Variants in SNX29 observed in about 807,000 individuals in gnomAD.
SNX29 encodes sorting nexin-29.
A neutral mutation model predicts 102.1 loss-of-function variants in SNX29; 78 were observed. That is an observed-to-expected ratio of 0.76 (90% CI 0.64 to 0.92). The LOEUF (loss-of-function observed/expected upper bound fraction) is 0.92. Among genes scored for constraint, SNX29 ranks in the 40% least tolerant of loss-of-function variants. The pLI is 0.00. For missense variants in SNX29, 1,280 were observed against 1,061.7 expected (o/e 1.21, Z -2.86); for synonymous variants, 580 against 414.5 (o/e 1.40, Z -4.85).
At chr16:12,452,836 T>C (rs900404248) in intron 18 of SNX29, among the ~76,000 whole-genome samples, 1 of 152,180 alleles carries the variant, frequency 6.6e-6, no homozygotes, top group Non-Finnish European at 1.5e-5. Flanking sequence ...CACAGGTCTA[T>C]CTATCCTGTT....
At chr16:12,445,843 C>T (rs757832025) in intron 18 of SNX29, among the ~76,000 whole-genome samples, 5 of 152,152 alleles carry the variant, frequency 3.3e-5, no homozygotes, top group Non-Finnish European at 7.4e-5. Flanking sequence ...GAAGAAACTC[C>T]TGCTGCTGCC....
chr16:12,224,728 T>G (rs949054696), intron 14 of SNX29, among the ~76,000 whole-genome samples: 6 of 152,180 alleles, frequency 3.9e-5, no homozygotes. Context: ...GTTTTTTTGT[T>G]TGGATAGTAA....
chr16:12,207,028 T>G (rs1223616946), intron 14 of SNX29, among the ~76,000 whole-genome samples: 2 of 152,080 alleles, frequency 1.3e-5, no homozygotes, highest in African/African-American at 4.8e-5. Flanking sequence ...TGAATCCAGA[T>G]TTAGCCTCAG....
chr16:12,088,860 C>T (rs186227160), intron 11 of SNX29, among the ~76,000 whole-genome samples: 2,264 of 151,924 alleles, frequency 0.015, 20 homozygotes, highest in South Asian at 0.058. Flanking sequence ...CTGAGGCGGG[C>T]GGATTACTCT....
At chr16:12,543,617 T>G in intron 20 of SNX29, among the ~76,000 whole-genome samples, 1 of 151,986 alleles carries the variant, frequency 6.6e-6, no homozygotes, top group East Asian at 1.9e-4. Flanking sequence ...GAGTGGGCAG[T>G]GCCCCAGTGC....
Position 12,243,766 on chromosome 16 carries a change from T to C in SNX29, c.1679-34167T>C, listed in dbSNP as rs1034814658. Among the ~76,000 whole-genome samples, 4 of 152,188 alleles carry C rather than the reference T, an allele frequency of 2.6e-5. No homozygotes were observed. The East Asian group carries it at 7.7e-4, about 29-fold the overall frequency. On this transcript the variant is annotated intron_variant, in intron 14 of 20. Transcript: ENST00000566228. ...GGGCCTGGTGGGCTCATTCACCCTC[T>C]CAGAGCACCAGGTGGCTTCTCTGCT...
chr16:11,985,315 G>T (rs368700814), intron 1 of SNX29, among the ~76,000 whole-genome samples: 2 of 152,284 alleles, frequency 1.3e-5, no homozygotes, highest in East Asian at 3.9e-4. Flanking sequence ...GTCTGTTGAA[G>T]CAAAAGGATG....
chr16:12,382,106 C>G (rs1463712519), intron 16 of SNX29, among the ~76,000 whole-genome samples: 2 of 152,058 alleles, frequency 1.3e-5, no homozygotes, highest in African/African-American at 2.4e-5. Context: ...GGTTCCACAT[C>G]AAGGGAGGCA....
At chr16:12,329,416 G>A (rs912580339) in intron 15 of SNX29, among the ~76,000 whole-genome samples, 1 of 152,232 alleles carries the variant, frequency 6.6e-6, no homozygotes, top group East Asian at 1.9e-4. Context: ...CTCTCCACAG[G>A]CAGGTGCTGG....
intron 18 of SNX29, among the ~76,000 whole-genome samples, chr16:12,472,930 C>T (rs1355790441): frequency 6.6e-6 from 1 of 152,076 alleles, no homozygotes; most frequent in African/African-American, 2.4e-5. Flanking sequence ...TCTTCTTTTG[C>T]TGAGTCAAGG....
intron 14 of SNX29, among the ~76,000 whole-genome samples, chr16:12,259,785 T>C (rs2078679106): frequency 6.6e-6 from 1 of 152,184 alleles, no homozygotes; most frequent in South Asian, 2.1e-4. Context: ...ATCTGCATTG[T>C]AACAAGTTTC....
At chr16:12,464,666 G>A (rs575216665) in intron 18 of SNX29, among the ~76,000 whole-genome samples, 1 of 152,082 alleles carries the variant, frequency 6.6e-6, no homozygotes, top group South Asian at 2.1e-4. Context: ...TGTTGCCCAG[G>A]TTGGTCTTGA....
At position 12,571,682 on chromosome 16, in the gene SNX29, C is replaced by T; in HGVS notation, c.*3053C>T. 2.8e-6 allele frequency: 3 copies of T among 1,059,664 alleles called. No homozygotes were observed. The highest frequency in any genetic ancestry group is 2.3e-6 in the Non-Finnish European group (2 of 876,306). The allele number at this position is 1,059,664 out of a possible 1,614,324, so 65.6% of individuals were successfully genotyped here. On this transcript the variant is annotated 3_prime_UTR_variant, in exon 21 of 21. Transcript: ENST00000566228. ...ACGGTAGGGCTGGGCAGAGGTGTCT[C>T]TCCTTGAGAGACAACAAAAGCTTCT...
At chr16:12,565,927 C>A (rs1243802355) in intron 20 of SNX29, among the ~76,000 whole-genome samples, 1 of 152,166 alleles carries the variant, frequency 6.6e-6, no homozygotes, top group Non-Finnish European at 1.5e-5. Flanking sequence ...CCACAGCCAT[C>A]TGTCCAGTGT....
At chr16:12,009,254 A>G (rs554019369) in intron 3 of SNX29, among the ~76,000 whole-genome samples, 18 of 152,234 alleles carry the variant, frequency 1.2e-4, no homozygotes, top group African/African-American at 4.3e-4. Context: ...TGGATGAGTA[A>G]TGTTTCGAGT....
chr16:12,361,142 A>G (rs960098575), intron 16 of SNX29, among the ~76,000 whole-genome samples: 1 of 152,146 alleles, frequency 6.6e-6, no homozygotes, highest in Non-Finnish European at 1.5e-5. Context: ...GGATGTGGGG[A>G]TGGAGGCCTG....
At chr16:12,045,312 A>G (rs1430414659) in intron 5 of SNX29, among the ~76,000 whole-genome samples, 1 of 152,184 alleles carries the variant, frequency 6.6e-6, no homozygotes, top group African/African-American at 2.4e-5. Flanking sequence ...CTTTAGCGAA[A>G]TTGACTTTTT....
At chr16:12,549,509 GC>G (rs2077827600) in intron 20 of SNX29, among the ~76,000 whole-genome samples, 1 of 148,392 alleles carries the variant, frequency 6.7e-6, no homozygotes, top group South Asian at 2.2e-4. Context: ...AGATGTTCAT[GC>G]CATTTTTCAT....
At chr16:12,214,634 C>T (rs183064320) in intron 14 of SNX29, among the ~76,000 whole-genome samples, 3 of 152,118 alleles carry the variant, frequency 2.0e-5, no homozygotes, top group East Asian at 1.9e-4. Context: ...GAGCCTCTCT[C>T]CTGGTCTGGG....
Sources: allele counts gnomAD v4.1 joint callset (sites outside exome capture counted in the v4.1 genomes callset), GRCh38; gene constraint gnomAD v4.1.1; transcripts MANE v1.5; gene names NCBI Gene and HGNC (gene_info 2026-07-23, HGNC 2026-07-21).